RBFOX1: variants seen among roughly 807,000 people sequenced by gnomAD.
RBFOX1 encodes the protein RNA binding protein fox-1 homolog 1.
Under a neutral mutation model 57.7 loss-of-function variants are expected in RBFOX1, and 8 were observed. The ratio of observed to expected loss-of-function variants is 0.14; its 90% CI spans 0.08 to 0.25. The LOEUF (loss-of-function observed/expected upper bound fraction) is 0.25, where lower values mean the gene tolerates loss of function less well. Among genes scored for constraint, RBFOX1 ranks in the 10% least tolerant of loss-of-function variants. The probability of loss-of-function intolerance (pLI) is 1.00; values close to 1 mark genes in which losing one functional copy is unlikely to be tolerated. For missense variants in RBFOX1, 611 were observed against 548.5 expected (o/e 1.11, Z -1.14); for synonymous variants, 326 against 222.4 (o/e 1.47, Z -4.15).
chr16:5,965,158 G>T (rs1394805277), intron 4 of RBFOX1, among the ~76,000 whole-genome samples: 1 of 152,140 alleles, frequency 6.6e-6, no homozygotes, highest in Non-Finnish European at 1.5e-5. Context: ...GAAGATGCTA[G>T]CCACTCTGTT....
intron 2 of RBFOX1, among the ~76,000 whole-genome samples, chr16:6,517,746 T>C (rs2907823): frequency 0.52 from 79,514 of 152,114 alleles, 22,749 homozygotes; most frequent in Admixed American, 0.64. Flanking sequence ...TCCTGCACTT[T>C]CTGCCACATC....
At chr16:6,063,123 G>C (rs1321533961) in intron 1 of RBFOX1, among the ~76,000 whole-genome samples, 2 of 151,998 alleles carry the variant, frequency 1.3e-5, no homozygotes, top group Admixed American at 1.3e-4. Flanking sequence ...CAAACAACGG[G>C]ACACCACCAC....
intron 2 of RBFOX1, among the ~76,000 whole-genome samples, chr16:5,542,196 C>T (rs1027236962): frequency 2.6e-5 from 4 of 151,698 alleles, no homozygotes; most frequent in African/African-American, 7.3e-5. Context: ...CTTCTATGCG[C>T]ACTCAAGAAT....
intron 1 of RBFOX1, among the ~76,000 whole-genome samples, chr16:6,148,310 G>C (rs1470225729): frequency 6.6e-6 from 1 of 152,230 alleles, no homozygotes; most frequent in Non-Finnish European, 1.5e-5. Context: ...CTGGGCGACG[G>C]AGTGAGACTC....
intron 2 of RBFOX1, among the ~76,000 whole-genome samples, chr16:6,513,866 G>A (rs139783164): frequency 5.9e-5 from 9 of 152,258 alleles, no homozygotes; most frequent in East Asian, 5.8e-4. Flanking sequence ...GGACTAGGAC[G>A]CATAATCCAA....
intron 3 of RBFOX1, among the ~76,000 whole-genome samples, chr16:6,845,095 G>A (rs1243805725): frequency 6.6e-6 from 1 of 152,082 alleles, no homozygotes; most frequent in Non-Finnish European, 1.5e-5. Context: ...TTGTCAGATG[G>A]ATAGATTGCG....
At chr16:7,357,528 C>G (rs892483458) in intron 4 of RBFOX1, among the ~76,000 whole-genome samples, 2 of 152,178 alleles carry the variant, frequency 1.3e-5, no homozygotes, top group African/African-American at 4.8e-5. Flanking sequence ...TGAAATCCAA[C>G]CACCTCCACC....
chr16:6,510,481 C>T (rs2096231922), intron 2 of RBFOX1, among the ~76,000 whole-genome samples: 1 of 152,156 alleles, frequency 6.6e-6, no homozygotes, highest in African/African-American at 2.4e-5. Context: ...CAGAGGAGAC[C>T]AGGTGAGGGA....
intron 4 of RBFOX1, among the ~76,000 whole-genome samples, chr16:7,232,667 C>G (rs1266469798): frequency 1.3e-5 from 2 of 151,928 alleles, no homozygotes; most frequent in African/African-American, 4.8e-5. Context: ...CATGGAGAAA[C>G]CCTGTCTCTA....
At chr16:7,653,266 G>A (rs1292589968) in intron 11 of RBFOX1, among the ~76,000 whole-genome samples, 2 of 152,148 alleles carry the variant, frequency 1.3e-5, no homozygotes, top group African/African-American at 2.4e-5. Context: ...TTTGGGAGGT[G>A]GAGACAGGAG....
chr16:6,806,253 T>C (rs1176510216), intron 3 of RBFOX1, among the ~76,000 whole-genome samples: 9 of 152,332 alleles, frequency 5.9e-5, no homozygotes, highest in Non-Finnish European at 1.0e-4. Flanking sequence ...TAGAGATTTT[T>C]ATGAAGTACT....
chr16:7,431,334 C>T (rs1369704838), intron 4 of RBFOX1: 6 of 152,334 alleles, frequency 3.9e-5, no homozygotes, highest in Admixed American at 3.3e-4. Context: ...TCAAGGAATT[C>T]TCCTGCCTCA....
rs529360071 is a variant in RBFOX1 at position 7,335,922 on chromosome 16, C to T, written c.28-182225C>T. 4.6e-5 allele frequency among the ~76,000 whole-genome samples: 7 copies of T among 152,282 alleles called. No homozygotes were observed. The South Asian group carries it at 1.5e-3, about 32-fold the overall frequency. On this transcript the variant is annotated intron_variant, in intron 4 of 15. Transcript: ENST00000550418. ...AATGACTATGGAGAATTCAGCTGAACCTGTCTGGACTGTCTCATGTGCAGA... is the reference window on the plus strand; with the variant it reads ...AATGACTATGGAGAATTCAGCTGAATCTGTCTGGACTGTCTCATGTGCAGA...
At chr16:6,560,666 C>A (rs147955410) in intron 2 of RBFOX1, among the ~76,000 whole-genome samples, 8 of 152,280 alleles carry the variant, frequency 5.3e-5, no homozygotes, top group African/African-American at 1.9e-4. Flanking sequence ...TCTTGACTTA[C>A]ATTTCAAATG....
chr16:6,804,829 A>G (rs2086344957), intron 3 of RBFOX1, among the ~76,000 whole-genome samples: 1 of 152,184 alleles, frequency 6.6e-6, no homozygotes, highest in African/African-American at 2.4e-5. Flanking sequence ...TTATAGGTAA[A>G]GTATTGGCAG....
At chr16:6,796,110 C>G (rs1162797693) in intron 3 of RBFOX1, among the ~76,000 whole-genome samples, 1 of 150,402 alleles carries the variant, frequency 6.6e-6, no homozygotes, top group African/African-American at 2.5e-5. Context: ...CTGGGGAGGC[C>G]TCACAGTCAT....
chr16:7,446,853 C>G lies in RBFOX1; in HGVS notation c.28-71294C>G, dbSNP rs142249373. ...TTTGAGACAGTGTCTCACTCTGTCA[C>G]CCAGGCTGCAGTGCAGGAGTGTGAT... On this transcript the variant is annotated intron_variant, in intron 4 of 15. Coordinates refer to ENST00000550418, the MANE Select transcript of RBFOX1 (RefSeq NM_018723.4). 3.3e-3 allele frequency among the ~76,000 whole-genome samples: 436 copies of G among 130,692 alleles called. 3 individuals carry two copies. Among genetic ancestry groups the G allele is most frequent in the Non-Finnish European group, 5.5e-3 (351 of 64,296 alleles). The allele number at this position is 130,692 out of a possible 152,430, so 85.7% of individuals were successfully genotyped here.
At chr16:5,402,357 G>A (rs78680664) in intron 1 of RBFOX1, among the ~76,000 whole-genome samples, 2,745 of 152,284 alleles carry the variant, frequency 0.018, 98 homozygotes, top group African/African-American at 0.064. Context: ...ATGCACGCAT[G>A]CACATAGGCC....
intron 3 of RBFOX1, among the ~76,000 whole-genome samples, chr16:6,805,574 A>T (rs556666083): frequency 6.6e-6 from 1 of 152,190 alleles, no homozygotes; most frequent in South Asian, 2.1e-4. Context: ...TATCACATTG[A>T]AAGGAATACA....
Sources: gnomAD v4.1 joint callset for allele counts (sites outside exome capture counted in the v4.1 genomes callset) on GRCh38, gnomAD v4.1.1 for gene constraint, MANE v1.5 for transcripts, NCBI Gene and HGNC (gene_info 2026-07-23, HGNC 2026-07-21) for gene names.